CLVS1: variants seen among roughly 807,000 people sequenced by gnomAD.
The protein encoded by CLVS1 is clavesin 1.
CLVS1 carries 10 observed loss-of-function variants against 33.1 expected under a neutral mutation model. The observed-to-expected ratio is 0.30, with a 90% confidence interval of 0.19 to 0.51. The LOEUF is 0.51. Ranked by LOEUF, CLVS1 falls within the 20% of genes least tolerant of loss-of-function variation. The pLI, the probability that CLVS1 is intolerant of heterozygous loss-of-function variation, is 0.97. For missense variants in CLVS1, 343 were observed against 433.4 expected, an observed-to-expected ratio of 0.79 and a Z score of 1.85; for synonymous variants, 163 against 166.1, an observed-to-expected ratio of 0.98 and a Z score of 0.14.
the CLVS1 span, among the ~76,000 whole-genome samples, chr8:60,996,977 C>T: frequency 1.8e-3 from 274 of 151,954 alleles, 1 homozygote; most frequent in African/African-American, 6.3e-3. Context: ...CCCCCGTCCC[C>T]ACCTTAGTAC....
chr8:61,358,424 T>A (rs1438500757), intron 2 of CLVS1, among the ~76,000 whole-genome samples: 1 of 152,230 alleles, frequency 6.6e-6, no homozygotes, highest in African/African-American at 2.4e-5. Flanking sequence ...CCAAAGTCTA[T>A]CTGCTCAGGC....
At chr8:61,171,024 G>T (rs916918286) in intron 2 of CLVS1, among the ~76,000 whole-genome samples, 4 of 151,284 alleles carry the variant, frequency 2.6e-5, no homozygotes, top group Non-Finnish European at 4.4e-5. Context: ...ATATTAGTAG[G>T]TTTTTTTTTC....
chr8:61,101,584 G>A (rs979330959), intron 1 of CLVS1, among the ~76,000 whole-genome samples: 2 of 152,040 alleles, frequency 1.3e-5, no homozygotes, highest in Non-Finnish European at 2.9e-5. Context: ...TTCACTTTCT[G>A]TGTGGTGCTT....
At chr8:61,101,000 AT>A (rs1805439270) in intron 1 of CLVS1, among the ~76,000 whole-genome samples, 1 of 152,056 alleles carries the variant, frequency 6.6e-6, no homozygotes, top group African/African-American at 2.4e-5. Context: ...GGTTGTTTTC[AT>A]TTTTTACTAT....
At chr8:61,074,412 AG>A (rs1313685982) in intron 1 of CLVS1, among the ~76,000 whole-genome samples, 5 of 138,172 alleles carry the variant, frequency 3.6e-5, no homozygotes, top group African/African-American at 1.4e-4. Context: ...TATATATATA[AG>A]TATATGTGTA....
At chr8:61,453,345 T>C (rs898620508) in intron 3 of CLVS1, among the ~76,000 whole-genome samples, 2 of 152,148 alleles carry the variant, frequency 1.3e-5, no homozygotes, top group Non-Finnish European at 2.9e-5. Context: ...CTTCCTAGCA[T>C]CTAAAACATA....
intron 2 of CLVS1, among the ~76,000 whole-genome samples, chr8:61,251,519 T>C (rs1232295929): frequency 1.3e-5 from 2 of 152,338 alleles, no homozygotes; most frequent in East Asian, 3.9e-4. Flanking sequence ...TCTGGTAGAA[T>C]TGGGCTATAA....
chr8:61,461,259 A>G (rs747754350), intron 5 of CLVS1, among the ~76,000 whole-genome samples: 1 of 152,164 alleles, frequency 6.6e-6, no homozygotes, highest in Non-Finnish European at 1.5e-5. Context: ...GAAACTGCTG[A>G]TTTCTTTGGG....
chr8:61,220,363 A>G (rs904897970), intron 2 of CLVS1, among the ~76,000 whole-genome samples: 1 of 152,174 alleles, frequency 6.6e-6, no homozygotes, highest in Non-Finnish European at 1.5e-5. Flanking sequence ...GTCCGGTTTC[A>G]GTTTTCTTCA....
chr8:61,137,925 T>C (rs569462482), intron 2 of CLVS1, among the ~76,000 whole-genome samples: 1 of 152,274 alleles, frequency 6.6e-6, no homozygotes, highest in African/African-American at 2.4e-5. Flanking sequence ...CATGGATGCG[T>C]TCTCTCCTGC....
chr8:61,028,439 A>G, the CLVS1 span, among the ~76,000 whole-genome samples: 2 of 152,240 alleles, frequency 1.3e-5, no homozygotes, highest in Non-Finnish European at 2.9e-5. Context: ...TACAAGTGAG[A>G]TAATTACAAT....
chr8:61,254,158 C>G (rs540769773), intron 2 of CLVS1, among the ~76,000 whole-genome samples: 96 of 151,700 alleles, frequency 6.3e-4, no homozygotes, highest in Middle Eastern at 3.4e-3. Context: ...CTCAGCTGCA[C>G]ATCTGTTGGA....
intron 2 of CLVS1, among the ~76,000 whole-genome samples, chr8:61,246,179 T>TTTTTTA (rs1808804751): frequency 7.9e-6 from 1 of 126,718 alleles, no homozygotes; most frequent in Non-Finnish European, 1.7e-5. Flanking sequence ...TTTTTTTTTT[T>TTTTTTA]TTTTTTTTTT....
At chr8:61,053,835 A>C (rs1166211648), upstream of CLVS1, among the ~76,000 whole-genome samples, 1 of 152,108 alleles carries the variant, frequency 6.6e-6, no homozygotes, top group Non-Finnish European at 1.5e-5. Context: ...TAGGATGCAA[A>C]TCTTGGCCAC....
chr8:61,344,039 A>G (rs909129112), intron 2 of CLVS1, among the ~76,000 whole-genome samples: 2 of 152,302 alleles, frequency 1.3e-5, no homozygotes, highest in Admixed American at 6.5e-5. Flanking sequence ...AATATGTGCA[A>G]TAATAATTGC....
At chr8:60,967,855 G>A in the CLVS1 span, 3 of 340,770 alleles carry the variant, frequency 8.8e-6, no homozygotes, top group East Asian at 1.7e-4. Context: ...AGCGGGTGAC[G>A]TTTTAAAGTG....
chr8:61,314,724 C>A (rs1359753945), intron 2 of CLVS1, among the ~76,000 whole-genome samples: 1 of 152,130 alleles, frequency 6.6e-6, no homozygotes, highest in African/African-American at 2.4e-5. Flanking sequence ...GCTACATGAC[C>A]CATACTGCCA....
In CLVS1 at chr8:61,300,090, C is replaced by T. The variant is rs377746266; in HGVS notation, c.263C>T (p.Ala88Val). The T allele has an allele frequency of 8.6e-5, 139 of 1,614,010 alleles. 1 individual carries two copies. The South Asian group carries it at 1.2e-3, about 13-fold the overall frequency. Residue 88 changes from alanine to valine, a missense_variant, in exon 2 of 6, where the codon GCG becomes GTG. Coordinates refer to ENST00000325897, the MANE Select transcript of CLVS1 (RefSeq NM_173519.3). ...RFLRARKFHQ[A>V]DAFRLLAQYF... ...CTCCGAGCCAGGAAGTTTCACCAAG[C>T]GGATGCCTTTAGACTCCTGGCTCAG...
At chr8:60,976,130 A>G in the CLVS1 span, among the ~76,000 whole-genome samples, 1 of 152,248 alleles carries the variant, frequency 6.6e-6, no homozygotes, top group African/African-American at 2.4e-5. Flanking sequence ...TTTTTTTTCA[A>G]TTCAAGTTAC....
Sources: gnomAD v4.1 joint callset for allele counts (sites outside exome capture counted in the v4.1 genomes callset) on GRCh38, gnomAD v4.1.1 for gene constraint, MANE v1.5 for transcripts, NCBI Gene and HGNC (gene_info 2026-07-23, HGNC 2026-07-21) for gene names.